UNC93A: variants seen among roughly 807,000 people sequenced by gnomAD.
UNC93A encodes N-acetylglucosamine transporter UNC93A.
A neutral mutation model predicts 47.5 loss-of-function variants in UNC93A; 43 were observed. The ratio of observed to expected loss-of-function variants is 0.91; its 90% CI spans 0.71 to 1.17. The LOEUF is 1.17. Ranked by LOEUF, UNC93A falls within the 50% of genes most tolerant of loss-of-function variation. The pLI is 0.00. For missense variants in UNC93A, 605 were observed against 577.6 expected (o/e 1.05, Z -0.49); for synonymous variants, 280 against 258.0 (o/e 1.09, Z -0.82).
At chr6:167,270,046 CGGGGTG>C (rs555048330), upstream of UNC93A, among the ~76,000 whole-genome samples, 34 of 38,018 alleles carry the variant, frequency 8.9e-4, no homozygotes, top group Admixed American at 3.4e-3. Flanking sequence ...AGAGGCTGCA[CGGGGTG>C]GGGGTGGGGG....
Position 167,297,940 on chromosome 6 carries a change from C to T in UNC93A, c.500-5C>T. The stretch of plus-strand genomic sequence containing the variant: ...TCATGTCTCCTGTCCACTCTGACTT[C>T]ATAGAGACCCTTCCAGAAGAGCAGC... On this transcript the variant is annotated splice_region_variant and splice_polypyrimidine_tract_variant and intron_variant, in intron 3 of 7. Transcript: ENST00000230256. The T allele has an allele frequency of 6.2e-7, 1 of 1,613,644 alleles. No individual in the cohort carries two copies. Among genetic ancestry groups the T allele is most frequent in the Non-Finnish European group, 8.5e-7 (1 of 1,179,898 alleles).
At chr6:167,287,306 G>A (rs1406830243), upstream of UNC93A, among the ~76,000 whole-genome samples, 1 of 152,186 alleles carries the variant, frequency 6.6e-6, no homozygotes, top group East Asian at 1.9e-4. Flanking sequence ...GTCCAGCCGA[G>A]CTGCTCTCTC....
chr6:167,298,187 T>C (rs1325341125), intron 4 of UNC93A, 117 bp downstream of exon 4: 2 of 1,451,764 alleles, frequency 1.4e-6, no homozygotes, highest in Non-Finnish European at 1.8e-6. Flanking sequence ...TTCTGAAATA[T>C]CCTTGCAAAA....
At chr6:167,288,020 A>T (rs184936127), upstream of UNC93A, among the ~76,000 whole-genome samples, 20 of 152,272 alleles carry the variant, frequency 1.3e-4, no homozygotes, top group African/African-American at 4.8e-4. Context: ...GGCCACTCAC[A>T]TGTCCCAGGT....
At chr6:167,294,816 T>A in intron 2 of UNC93A, 118 bp downstream of exon 2, 2 of 1,143,312 alleles carry the variant, frequency 1.7e-6, no homozygotes, top group Non-Finnish European at 1.2e-6. Flanking sequence ...CATTTTAAAA[T>A]GAGCTCTCCT....
At chr6:167,293,792 C>T (rs1052897725) in intron 1 of UNC93A, among the ~76,000 whole-genome samples, 9 of 152,288 alleles carry the variant, frequency 5.9e-5, no homozygotes, top group African/African-American at 1.9e-4. Context: ...TAGCCACCAC[C>T]TCCTTTCACC....
chr6:167,313,697 C>T (rs1778616460), intron 7 of UNC93A, among the ~76,000 whole-genome samples: 2 of 152,092 alleles, frequency 1.3e-5, no homozygotes, highest in South Asian at 4.1e-4. Context: ...GGTTTTCCGA[C>T]CTGCCCAGGG....
upstream of UNC93A, among the ~76,000 whole-genome samples, chr6:167,270,809 T>C (rs1362941413): frequency 6.6e-6 from 1 of 152,150 alleles, no homozygotes; most frequent in Non-Finnish European, 1.5e-5. Context: ...GAGCAAGGCA[T>C]TGGCGCCCTC....
chr6:167,287,898 C>T (rs115938385), upstream of UNC93A, among the ~76,000 whole-genome samples: 1,679 of 152,264 alleles, frequency 0.011, 32 homozygotes, highest in African/African-American at 0.039. Flanking sequence ...GGTGATCAAT[C>T]ACAGAGCTGC....
At chr6:167,278,731 G>A (rs1327135191) in intron 1 of UNC93A, among the ~76,000 whole-genome samples, 4 of 151,994 alleles carry the variant, frequency 2.6e-5, no homozygotes, top group East Asian at 1.9e-4. Flanking sequence ...TCATTCCTCC[G>A]CCCTGGCTGC....
At chr6:167,274,924 C>T (rs1021334235) in intron 1 of UNC93A, among the ~76,000 whole-genome samples, 10 of 152,184 alleles carry the variant, frequency 6.6e-5, no homozygotes, top group African/African-American at 2.4e-4. Context: ...TTCTTCCAGA[C>T]AAATACGTCT....
intron 3 of UNC93A, 127 bp from the exon 4 acceptor site, chr6:167,297,818 G>A (rs973719538): frequency 1.2e-5 from 15 of 1,209,792 alleles, no homozygotes; most frequent in Non-Finnish European, 1.6e-5. Context: ...GTCTTTCCAC[G>A]TGACCTGTAG....
At chr6:167,299,095 G>C (rs1017948332) in intron 4 of UNC93A, among the ~76,000 whole-genome samples, 2 of 136,344 alleles carry the variant, frequency 1.5e-5, no homozygotes, top group Non-Finnish European at 1.5e-5. Flanking sequence ...TCCAGCCTGG[G>C]CAACAGAGCG....
chr6:167,308,462 G>T (rs1320859421), intron 7 of UNC93A, among the ~76,000 whole-genome samples: 1 of 152,076 alleles, frequency 6.6e-6, no homozygotes. Flanking sequence ...AGCAGGTGGG[G>T]GCCCTGTGGA....
chr6:167,314,469 C>T (rs533740351), intron 7 of UNC93A, among the ~76,000 whole-genome samples: 102 of 152,286 alleles, frequency 6.7e-4, no homozygotes, highest in Non-Finnish European at 1.2e-3. Flanking sequence ...TCGCCTCAGG[C>T]TGTGGAGGGT....
At chr6:167,298,816 A>G (rs1233811197) in intron 4 of UNC93A, among the ~76,000 whole-genome samples, 7 of 152,096 alleles carry the variant, frequency 4.6e-5, no homozygotes, top group Non-Finnish European at 1.0e-4. Flanking sequence ...TAAATAATTT[A>G]AATATTTTTT....
chr6:167,280,672 A>G (rs1583061708), intron 1 of UNC93A, among the ~76,000 whole-genome samples: 1 of 152,174 alleles, frequency 6.6e-6, no homozygotes, highest in East Asian at 1.9e-4. Flanking sequence ...ACCTGGCCAG[A>G]GCTCGCAGGG....
chr6:167,310,183 C>A (rs1778518760), intron 7 of UNC93A, among the ~76,000 whole-genome samples: 1 of 152,218 alleles, frequency 6.6e-6, no homozygotes, highest in Admixed American at 6.5e-5. Context: ...AAATGCACAT[C>A]CCATTACCAG....
upstream of UNC93A, among the ~76,000 whole-genome samples, chr6:167,287,370 T>C (rs144688453): frequency 6.6e-6 from 1 of 152,274 alleles, no homozygotes; most frequent in East Asian, 1.9e-4. Flanking sequence ...GGATAGCGTG[T>C]GTACCACCCC....
Sources: gnomAD v4.1 joint callset for allele counts (sites outside exome capture counted in the v4.1 genomes callset) on GRCh38, gnomAD v4.1.1 for gene constraint, MANE v1.5 for transcripts, NCBI Gene and HGNC (gene_info 2026-07-23, HGNC 2026-07-21) for gene names.